Variants in SAP130 observed in about 807,000 individuals in gnomAD.
SAP130 encodes Sin3A associated protein 130.
In SAP130, 16 loss-of-function variants were observed where a neutral mutation model predicts 103.2. The ratio of observed to expected loss-of-function variants is 0.16; its 90% confidence interval spans 0.10 to 0.24. The LOEUF (loss-of-function observed/expected upper bound fraction) is 0.24, where lower values mean the gene tolerates loss of function less well. Ranked by LOEUF, SAP130 falls within the 10% of genes least tolerant of loss-of-function variation. The probability of loss-of-function intolerance (pLI) is 1.00; values close to 1 mark genes in which losing one functional copy is unlikely to be tolerated. For synonymous variants in SAP130, 477 were observed against 497.0 expected, an observed-to-expected ratio of 0.96 and a Z score of 0.53; for missense variants, 990 against 1,359.7, an observed-to-expected ratio of 0.73 and a Z score of 4.28.
intron 7 of SAP130, among the ~76,000 whole-genome samples, chr2:128,002,895 G>C (rs528932958): frequency 1.5e-3 from 231 of 152,268 alleles, no homozygotes; most frequent in African/African-American, 5.3e-3. Context: ...GGGAGGCCAA[G>C]GCAGGCAGAT....
chr2:127,968,234 G>A (rs1280696168), intron 15 of SAP130, among the ~76,000 whole-genome samples: 1 of 151,512 alleles, frequency 6.6e-6, no homozygotes, highest in Non-Finnish European at 1.5e-5. Context: ...ACAGCCTCCG[G>A]AGTAGCTGGG....
chr2:128,006,004 A>G (rs187428809), intron 7 of SAP130, among the ~76,000 whole-genome samples: 1 of 152,312 alleles, frequency 6.6e-6, no homozygotes, highest in Non-Finnish European at 1.5e-5. Flanking sequence ...GGTCATTACA[A>G]AATAAATGCT....
chr2:128,002,466 T>C (rs1683632480), intron 7 of SAP130, among the ~76,000 whole-genome samples: 1 of 151,904 alleles, frequency 6.6e-6, no homozygotes, highest in South Asian at 2.1e-4. Flanking sequence ...GAGGCAGAGG[T>C]TGCAGTGAGC....
chr2:127,983,316 C>A (rs774075138), intron 14 of SAP130, among the ~76,000 whole-genome samples: 15 of 152,188 alleles, frequency 9.9e-5, no homozygotes, highest in Non-Finnish European at 1.6e-4. Context: ...GATACTCGAT[C>A]CAGTTACTGA....
chr2:127,993,938 C>T (rs1167925110), intron 11 of SAP130, among the ~76,000 whole-genome samples: 1 of 152,016 alleles, frequency 6.6e-6, no homozygotes, highest in East Asian at 1.9e-4. Flanking sequence ...AGTTTTTGAG[C>T]TTAATATAGC....
chr2:128,018,009 G>GT, intron 2 of SAP130, 94 bp from the exon 3 acceptor site: 1 of 1,010,782 alleles, frequency 9.9e-7, no homozygotes, highest in Non-Finnish European at 1.4e-6. Flanking sequence ...TAAATCTCAG[G>GT]ATTGACAAAG....
Position 127,996,199 on chromosome 2 carries a change from A to T in SAP130, c.1355+151T>A. 1 of 723,600 alleles carries T rather than the reference A, an allele frequency of 1.4e-6. No individual in the cohort carries two copies. Among genetic ancestry groups the T allele is most frequent in the African/African-American group, 1.8e-5 (1 of 55,114 alleles). The allele number at this position is 723,600 out of a possible 1,614,324, so 44.8% of individuals were successfully genotyped here. A position where few individuals can be genotyped will look rare whatever the true frequency, so the allele number is the denominator to read the frequency against. ...GCTTGAAAAAAATCGCACATAAAAA[A>T]AGGAATTATACGAAGTGTTACTTTC... On this transcript the variant is annotated intron_variant, in intron 11 of 20. Coordinates refer to ENST00000643581, the MANE Select transcript of SAP130 (RefSeq NM_001330301.2). This position sits in a 1 kb window ranked among gnomAD's most constrained non-coding sequence, Gnocchi z 4.3.
At position 127,989,742 on chromosome 2, in the gene SAP130, C is replaced by A. The variant is rs576991787; in HGVS notation, c.1602G>T (p.Gly534=). The A allele has an allele frequency of 1.5e-5, 24 of 1,614,088 alleles. No homozygotes were observed. The highest frequency in any genetic ancestry group is 1.9e-5 in the Non-Finnish European group (23 of 1,180,030). The change falls in exon 13 of 21, where the codon GGG becomes GGT. Residue 534 remains glycine, a synonymous_variant. Transcript: ENST00000643581. This position sits in a 1 kb window ranked among gnomAD's most constrained non-coding sequence, Gnocchi z 4.6. ...VDASHARHIQ[G]IQPAPISTQG... is the part of the protein sequence containing the mutation. The stretch of plus-strand genomic sequence containing the variant: ...GGGTACTGATGGGTGCTGGCTGGAT[C>A]CCTTGAATATGTCGAGCATGCGATG...
chr2:128,000,511 T>C, intron 7 of SAP130, 57 bp from the exon 8 acceptor site: 2 of 1,597,442 alleles, frequency 1.3e-6, no homozygotes, highest in Admixed American at 1.7e-5. Flanking sequence ...AATCTTCTCC[T>C]AGGTTAGTCA....
chr2:127,949,762 A>C, intron 18 of SAP130, 107 bp downstream of exon 18: 6 of 1,183,946 alleles, frequency 5.1e-6, no homozygotes, highest in Non-Finnish European at 7.2e-6. Flanking sequence ...ACAAAAACTT[A>C]TGGTTTTTTT....
chr2:127,950,126 A>G (rs901873775), intron 17 of SAP130, 34 bp downstream of exon 17: 17 of 1,612,284 alleles, frequency 1.1e-5, no homozygotes, highest in Admixed American at 8.3e-5. Flanking sequence ...TTTATTGGGA[A>G]GCATCATAAC....
intron 14 of SAP130, among the ~76,000 whole-genome samples, chr2:127,980,423 T>C (rs1006114209): frequency 6.6e-6 from 1 of 151,960 alleles, no homozygotes; most frequent in Non-Finnish European, 1.5e-5. Flanking sequence ...TTACTCCTGG[T>C]GAGAGTGTAA....
chr2:127,982,193 T>C (rs1258528937), intron 14 of SAP130, among the ~76,000 whole-genome samples: 1 of 149,450 alleles, frequency 6.7e-6, no homozygotes, highest in Non-Finnish European at 1.5e-5. Flanking sequence ...TTTAGGGTGG[T>C]AGATAGTAGA....
chr2:127,947,754 TTGTGTGTGTCTGTG>T (rs1679186077), intron 18 of SAP130, among the ~76,000 whole-genome samples: 4 of 28,640 alleles, frequency 1.4e-4, no homozygotes, highest in South Asian at 9.5e-4. Flanking sequence ...TAATTTTGTA[TTGTGTGTGTCTGTG>T]TGTGTGTGTG....
chr2:127,971,205 G>A (rs1293186570), intron 15 of SAP130, among the ~76,000 whole-genome samples: 1 of 151,718 alleles, frequency 6.6e-6, no homozygotes, highest in Non-Finnish European at 1.5e-5. Context: ...TGTTGACCTC[G>A]GCCTCCTAAG....
At position 128,026,192 on chromosome 2, in the gene SAP130, G is replaced by A. The variant is rs1489514921; in HGVS notation, c.101C>T (p.Pro34Leu). 6.2e-7 allele frequency: 1 copy of A among 1,609,734 alleles called. No individual in the cohort carries two copies. Among genetic ancestry groups the A allele is most frequent in the Non-Finnish European group, 8.5e-7 (1 of 1,176,136 alleles). Residue 34 changes from proline (P) to leucine (L), a missense_variant, in exon 2 of 21, where the codon CCA (proline) becomes CTA (leucine). Physicochemically the swap from Pro to Leu is moderately conservative, Grantham distance 98. Around this residue, in one of 6 missense-constraint regions of SAP130, gnomAD observed 167 missense variants for 187.4 expected, o/e 0.89. Coordinates refer to ENST00000643581, the MANE Select transcript of SAP130 (RefSeq NM_001330301.2). ...ATTACATATCTCACCTGTAGCAGCT[G>A]GGTTTATCAATCCAGCAGAACCACT... ...ANSGSAGLINPAATVNDESGR... is the reference protein window; with the variant it reads ...ANSGSAGLINLAATVNDESGR...
chr2:127,997,879 C>T (rs376036367), intron 10 of SAP130, among the ~76,000 whole-genome samples: 9 of 152,046 alleles, frequency 5.9e-5, no homozygotes, highest in Admixed American at 2.0e-4. Flanking sequence ...TTTGGGAGGC[C>T]GAGGCGAGCA....
intron 1 of SAP130, chr2:128,027,072 C>A: frequency 1.4e-6 from 2 of 1,435,744 alleles, no homozygotes; most frequent in Middle Eastern, 1.9e-4. Flanking sequence ...GACCACAAGA[C>A]GAGCACTGTG....
intron 10 of SAP130, among the ~76,000 whole-genome samples, chr2:127,997,268 A>T (rs1227395985): frequency 1.3e-5 from 2 of 152,230 alleles, no homozygotes; most frequent in Non-Finnish European, 2.9e-5. Flanking sequence ...AATACACTTG[A>T]CACTATTTTT....
Sources: allele counts gnomAD v4.1 joint callset (sites outside exome capture counted in the v4.1 genomes callset), GRCh38; gene constraint gnomAD v4.1.1; regional missense constraint gnomAD v4.1.1; non-coding constraint Gnocchi (gnomAD v3.1); transcripts MANE v1.5; gene names NCBI Gene and HGNC (gene_info 2026-07-23, HGNC 2026-07-21).